Variants in HVCN1 observed in about 807,000 individuals in gnomAD.
HVCN1 encodes the protein hydrogen voltage gated channel 1, also known as voltage-gated hydrogen channel 1.
HVCN1 carries 14 observed loss-of-function variants against 29.2 expected under a neutral mutation model. The ratio of observed to expected loss-of-function variants is 0.48; its 90% CI spans 0.32 to 0.75. HVCN1 has a LOEUF of 0.75. HVCN1 is among the 30% of genes least tolerant of loss of function. The pLI is 0.04. For synonymous variants in HVCN1, 131 were observed against 133.2 expected (o/e 0.98, Z 0.11); for missense variants, 263 against 341.8 (o/e 0.77, Z 1.82).
At chr12:110,701,359 A>G (rs748384763) in intron 2 of HVCN1, among the ~76,000 whole-genome samples, 2 of 152,212 alleles carry the variant, frequency 1.3e-5, no homozygotes, top group African/African-American at 2.4e-5. Flanking sequence ...CAATACCAGC[A>G]TCACTCTGAT....
intron 3 of HVCN1, among the ~76,000 whole-genome samples, chr12:110,664,283 A>G (rs1232355066): frequency 6.6e-6 from 1 of 152,182 alleles, no homozygotes; most frequent in East Asian, 1.9e-4. Flanking sequence ...CACTTAACAG[A>G]CACTCAAAAA....
chr12:110,648,797 T>G lies in HVCN1; in HGVS notation c.*613A>C. On this transcript the variant is annotated 3_prime_UTR_variant, in exon 8 of 8. Coordinates refer to ENST00000242607, the MANE Select transcript of HVCN1 (RefSeq NM_032369.4). Reference sequence around the variant, plus strand: ...AGGAGGGTCCAGGGAAAAGAGAGAGTTTATTTTATACAGTAGTTGTTTTAT... The same window carrying G: ...AGGAGGGTCCAGGGAAAAGAGAGAGGTTATTTTATACAGTAGTTGTTTTAT... 1 of 296,342 alleles carries G rather than the reference T, an allele frequency of 3.4e-6. No homozygotes were observed. The highest frequency in any genetic ancestry group is 2.9e-5 in the South Asian group (1 of 34,612). 18.4% of individuals were successfully genotyped at this position (296,342 alleles called of 1,614,324 possible). A position where few individuals can be genotyped will look rare whatever the true frequency, so the allele number is the denominator to read the frequency against.
intron 2 of HVCN1, among the ~76,000 whole-genome samples, chr12:110,700,124 C>T (rs1239821480): frequency 6.6e-6 from 1 of 152,212 alleles, no homozygotes; most frequent in African/African-American, 2.4e-5. Context: ...GCACTTAGTC[C>T]CATGAACAAA....
In HVCN1 at chr12:110,661,146, G is replaced by C. The variant is rs776723617; in HGVS notation, c.306+18C>G. The C allele has an allele frequency of 6.3e-7, 1 of 1,576,212 alleles. No homozygotes were observed. Among genetic ancestry groups the C allele is most frequent in the Non-Finnish European group, 8.6e-7 (1 of 1,158,562 alleles). The stretch of plus-strand genomic sequence containing the variant: ...TCTCCTGCCAGCTCTGGGTATCCCG[G>C]ACTCCTGCCCCACCTACCTGAAACC... On this transcript the variant is annotated intron_variant, in intron 4 of 7. Coordinates refer to ENST00000242607, the MANE Select transcript of HVCN1 (RefSeq NM_032369.4). The surrounding 1 kb of genome is among the most constrained non-coding windows in gnomAD (Gnocchi z 6.2).
intron 3 of HVCN1, among the ~76,000 whole-genome samples, chr12:110,669,796 C>T (rs1002200154): frequency 6.6e-6 from 1 of 152,130 alleles, no homozygotes; most frequent in African/African-American, 2.4e-5. Flanking sequence ...TGGCTCAAGC[C>T]TGTAATCCTA....
In HVCN1 at chr12:110,662,680, G is replaced by A. The variant is rs552060010; in HGVS notation, c.22-1232C>T. On this transcript the variant is annotated intron_variant, in intron 3 of 7. Transcript: ENST00000242607. Reference sequence around the variant, plus strand: ...AGATCATGCCACTGCACTCCAGCCTGGGCAACAGGTTGAGACCTTGTCTCA... The same window carrying A: ...AGATCATGCCACTGCACTCCAGCCTAGGCAACAGGTTGAGACCTTGTCTCA... 2.0e-5 allele frequency among the ~76,000 whole-genome samples: 3 copies of A among 152,290 alleles called. No homozygotes were observed. In the East Asian group the frequency reaches 5.8e-4, roughly 29 times the overall value.
intron 2 of HVCN1, among the ~76,000 whole-genome samples, chr12:110,699,611 A>T (rs2136513411): frequency 6.6e-6 from 1 of 152,266 alleles, no homozygotes; most frequent in African/African-American, 2.4e-5. Context: ...TGCGGGAGGC[A>T]GAGCCGAGAA....
At chr12:110,672,261 C>T (rs2068602243) in intron 3 of HVCN1, among the ~76,000 whole-genome samples, 2 of 152,346 alleles carry the variant, frequency 1.3e-5, no homozygotes, top group South Asian at 4.1e-4. Context: ...AGGTGTGTGC[C>T]ACCATGGCTA....
rs760457673 is a variant in HVCN1, at chr12:110,650,298, G to T, written c.644-18C>A. The T allele has an allele frequency of 8.0e-6, 12 of 1,495,074 alleles. No individual in the cohort carries two copies. The Admixed American group carries it at 1.0e-4, about 13-fold the overall frequency. 92.6% of individuals were successfully genotyped at this position (1,495,074 alleles called of 1,614,324 possible). On this transcript the variant is annotated intron_variant, in intron 6 of 7. Coordinates refer to ENST00000242607, the MANE Select transcript of HVCN1 (RefSeq NM_032369.4). ...GATAATCCCTGAAATAAAATTGGGG[G>T]TCTCAGTGATACTGGTTTCTAACTT...
In HVCN1 at chr12:110,661,075, G is replaced by C. The variant is rs992711515; in HGVS notation, c.306+89C>G. ...CACTCGTAGAATGAATGAGGCAGTG[G>C]CCAAATGGGCTCAGCCTGGCCGCCT... On this transcript the variant is annotated intron_variant, in intron 4 of 7. Transcript: ENST00000242607. This position sits in a 1 kb window ranked among gnomAD's most constrained non-coding sequence, Gnocchi z 6.2. The C allele has an allele frequency of 5.1e-5, 66 of 1,291,498 alleles. 1 individual carries two copies. The African/African-American group carries it at 9.5e-4, about 19-fold the overall frequency. The allele number at this position is 1,291,498 out of a possible 1,614,324, so 80.0% of individuals were successfully genotyped here.
chr12:110,683,379 G>A, intron 2 of HVCN1, 115 bp from the exon 3 acceptor site: 1 of 1,279,490 alleles, frequency 7.8e-7, no homozygotes, highest in Non-Finnish European at 1.1e-6. Context: ...TTTTAACTGT[G>A]CCCGAAATTA....
rs1473787262 is a variant in HVCN1 at position 110,658,313 on chromosome 12, A to G, written c.306+2851T>C. On this transcript the variant is annotated intron_variant, in intron 4 of 7. Transcript: ENST00000242607. This position sits in a 1 kb window ranked among gnomAD's most constrained non-coding sequence, Gnocchi z 5.0. Reference sequence around the variant, plus strand: ...GCCGATCCTACCTGCAGAGACTACAACCCCTGAGCCTCACCACCTACTCCA... The same window carrying G: ...GCCGATCCTACCTGCAGAGACTACAGCCCCTGAGCCTCACCACCTACTCCA... 6.6e-6 allele frequency among the ~76,000 whole-genome samples: 1 copy of G among 151,608 alleles called. No individual in the cohort carries two copies. The highest frequency in any genetic ancestry group is 1.5e-5 in the Non-Finnish European group (1 of 67,882).
rs143348051 is a variant in HVCN1, at chr12:110,671,667, C to T, written c.22-10219G>A. ...GGTACTGTCTTTCCCTTTATCTTTC[C>T]GGGCCACACATTTGTCCTGGACTCC... On this transcript the variant is annotated intron_variant, in intron 3 of 7. Transcript: ENST00000242607. Among the ~76,000 whole-genome samples the T allele has an allele frequency of 7.5e-3, 1,143 of 152,250 alleles. 1 individual carries two copies. Among genetic ancestry groups the T allele is most frequent in the Non-Finnish European group, 9.4e-3 (637 of 68,024 alleles).
chr12:110,697,639 C>T (rs1235227398), intron 2 of HVCN1, among the ~76,000 whole-genome samples: 5 of 150,638 alleles, frequency 3.3e-5, no homozygotes, highest in South Asian at 2.1e-4. Flanking sequence ...CCACTCACAG[C>T]GCGAAGCATC....
intron 3 of HVCN1, among the ~76,000 whole-genome samples, chr12:110,675,642 A>G (rs1027711826): frequency 6.6e-6 from 1 of 152,160 alleles, no homozygotes; most frequent in African/African-American, 2.4e-5. Flanking sequence ...GTGGTGGCTC[A>G]TGCCTGTAAT....
upstream of HVCN1, among the ~76,000 whole-genome samples, chr12:110,693,148 T>C (rs189576336): frequency 2.0e-3 from 307 of 152,312 alleles, no homozygotes; most frequent in African/African-American, 7.2e-3. Flanking sequence ...CCAAATTTTT[T>C]TTTTTAAATT....
chr12:110,700,109 G>A (rs570907277), intron 2 of HVCN1, among the ~76,000 whole-genome samples: 15 of 152,340 alleles, frequency 9.8e-5, no homozygotes, highest in African/African-American at 3.6e-4. Flanking sequence ...CCCAGCCCGT[G>A]GGCAGCACTT....
At chr12:110,667,942 T>C (rs929389221) in intron 3 of HVCN1, among the ~76,000 whole-genome samples, 2 of 152,128 alleles carry the variant, frequency 1.3e-5, no homozygotes, top group Admixed American at 1.3e-4. Flanking sequence ...GCAGAAAACA[T>C]TTCTGGTTTT....
At chr12:110,678,146 G>A (rs1274986781) in intron 3 of HVCN1, among the ~76,000 whole-genome samples, 3 of 152,190 alleles carry the variant, frequency 2.0e-5, no homozygotes, top group Non-Finnish European at 4.4e-5. Flanking sequence ...AGAGGCCAGT[G>A]ACTTGCCCCA....
Sources: gnomAD v4.1 joint callset for allele counts (sites outside exome capture counted in the v4.1 genomes callset) on GRCh38, gnomAD v4.1.1 for gene constraint, Gnocchi (gnomAD v3.1) non-coding constraint, MANE v1.5 for transcripts, NCBI Gene and HGNC (gene_info 2026-07-23, HGNC 2026-07-21) for gene names.